Variants in ZNF454 observed in about 807,000 individuals in gnomAD.
ZNF454 encodes zinc finger protein 454.
In ZNF454, 30 loss-of-function variants were observed where a neutral mutation model predicts 48.2. That is an observed-to-expected ratio of 0.62 (90% CI 0.47 to 0.84). The LOEUF (loss-of-function observed/expected upper bound fraction) is 0.84, where lower values mean the gene tolerates loss of function less well. Ranked by LOEUF, ZNF454 falls within the 40% of genes least tolerant of loss-of-function variation. The pLI is 0.00. For synonymous variants in ZNF454, 204 were observed against 211.4 expected (o/e 0.97, Z 0.30); for missense variants, 510 against 623.1 (o/e 0.82, Z 1.93).
At chr5:178,982,684 G>T in the ZNF454 span, 1 of 376,508 alleles carries the variant, frequency 2.7e-6, no homozygotes, top group Non-Finnish European at 4.5e-6. Flanking sequence ...TCAAAGAAAT[G>T]AAAATGATAA....
chr5:178,974,297 GGTTGTTGTGGTTGTGGTTGTT>G, the ZNF454 span, among the ~76,000 whole-genome samples: 1 of 143,928 alleles, frequency 6.9e-6, no homozygotes, highest in African/African-American at 2.9e-5. Flanking sequence ...TGGTTGTTGT[GGTTGTTGTGGTTGTGGTTGTT>G]GTTGTTGTTG....
the ZNF454 span, chr5:178,982,861 G>C: frequency 7.4e-7 from 1 of 1,344,794 alleles, no homozygotes; most frequent in Non-Finnish European, 1.1e-6. Context: ...GAATCGACCA[G>C]CCTGACAGGC....
chr5:178,966,920 G>A (rs997289882), downstream of ZNF454, among the ~76,000 whole-genome samples: 1 of 152,114 alleles, frequency 6.6e-6, no homozygotes, highest in Admixed American at 6.5e-5. Context: ...ACTTAGCAAC[G>A]CCTAACTGTC....
At chr5:178,971,090 C>G (rs139157080), downstream of ZNF454, among the ~76,000 whole-genome samples, 1 of 152,192 alleles carries the variant, frequency 6.6e-6, no homozygotes, top group Non-Finnish European at 1.5e-5. Context: ...TGCATGAAAC[C>G]GTTACGTCCA....
At chr5:178,987,338 G>A in the ZNF454 span, 2 of 487,534 alleles carry the variant, frequency 4.1e-6, no homozygotes, top group South Asian at 3.1e-5. Context: ...AGAAAGCAGG[G>A]TGGCAAGAAA....
At chr5:178,962,300 T>G (rs1760033468) in intron 4 of ZNF454, among the ~76,000 whole-genome samples, 1 of 151,732 alleles carries the variant, frequency 6.6e-6, no homozygotes, top group Non-Finnish European at 1.5e-5. Context: ...ACTTTCAAGG[T>G]AATCTTCAGT....
chr5:178,989,211 ACCCTCACCACCCTCCCCACCCTCC>A, the ZNF454 span: 6 of 124,466 alleles, frequency 4.8e-5, no homozygotes, highest in South Asian at 8.7e-5. Flanking sequence ...CCCCCTCCCC[ACCCTCACCACCCTCCCCACCCTCC>A]CCACCCTCAC....
chr5:178,949,856 C>A (rs921835512), intron 4 of ZNF454, among the ~76,000 whole-genome samples: 2 of 152,132 alleles, frequency 1.3e-5, no homozygotes, highest in Non-Finnish European at 2.9e-5. Flanking sequence ...ACCTCGTGAT[C>A]CGCCCACCTT....
intron 4 of ZNF454, among the ~76,000 whole-genome samples, chr5:178,962,930 C>T (rs778150549): frequency 2.0e-5 from 3 of 151,738 alleles, no homozygotes; most frequent in Non-Finnish European, 2.9e-5. Context: ...CTCATTTGCC[C>T]GTACTACTAG....
rs756212574 is a variant in ZNF454, at chr5:178,942,640, C to T, written c.-107-45C>T. Reference sequence around the variant, plus strand: ...GGATGTGAATGCTCACTGCCTCGCTCTGGACTGCTGTATGAGAGCTTTTGA... The same window carrying T: ...GGATGTGAATGCTCACTGCCTCGCTTTGGACTGCTGTATGAGAGCTTTTGA... On this transcript the variant is annotated intron_variant, in intron 1 of 4. Transcript: ENST00000519564. 6.6e-6 allele frequency: 5 copies of T among 757,558 alleles called. No individual in the cohort carries two copies. The African/African-American group carries it at 8.7e-5, about 13-fold the overall frequency. The allele number at this position is 757,558 out of a possible 1,614,324, so 46.9% of individuals were successfully genotyped here.
the ZNF454 span, among the ~76,000 whole-genome samples, chr5:178,971,576 G>A: frequency 9.1e-3 from 1,350 of 148,044 alleles, 12 homozygotes; most frequent in Middle Eastern, 0.055. Context: ...CCGGCTGGGC[G>A]CGGTGGCCAT....
chr5:178,985,201 C>T, the ZNF454 span: 422 of 451,624 alleles, frequency 9.3e-4, 6 homozygotes, highest in South Asian at 6.5e-3. Context: ...TCAGATAGCT[C>T]TTTGACCTGT....
chr5:178,988,973 C>T, the ZNF454 span: 109 of 1,613,742 alleles, frequency 6.8e-5, no homozygotes, highest in Non-Finnish European at 7.4e-5. This position sits in a 1 kb window ranked among gnomAD's most constrained non-coding sequence, Gnocchi z 6.0. Context: ...CAGAAGCATC[C>T]GCCCATCAGT....
At chr5:178,982,980 A>G in the ZNF454 span, 4 of 1,614,060 alleles carry the variant, frequency 2.5e-6, no homozygotes, top group Non-Finnish European at 3.4e-6. Context: ...GGTGGTGTAC[A>G]TGGTGAAGCC....
chr5:178,962,656 G>T (rs116474280), intron 4 of ZNF454, among the ~76,000 whole-genome samples: 1 of 151,570 alleles, frequency 6.6e-6, no homozygotes, highest in Non-Finnish European at 1.5e-5. Flanking sequence ...TAAGGTTCAC[G>T]TCTGATAACT....
At chr5:178,976,042 C>T in the ZNF454 span, 33 of 428,412 alleles carry the variant, frequency 7.7e-5, no homozygotes, top group South Asian at 5.1e-4. Flanking sequence ...TCCTCCATGC[C>T]ACTCTCTTTG....
chr5:178,974,318 T>G, the ZNF454 span, among the ~76,000 whole-genome samples: 2 of 151,538 alleles, frequency 1.3e-5, no homozygotes, highest in Non-Finnish European at 2.9e-5. Flanking sequence ...TTGTGGTTGT[T>G]GTTGTTGTTG....
the ZNF454 span, chr5:178,983,513 C>G: frequency 4.9e-6 from 3 of 616,484 alleles, no homozygotes; most frequent in African/African-American, 1.8e-5. Context: ...TAAGGGGCAG[C>G]TTGGTGTCCT....
chr5:178,979,792 T>C, the ZNF454 span: 2 of 152,788 alleles, frequency 1.3e-5, no homozygotes, highest in African/African-American at 2.4e-5. Context: ...AAACAGCAAA[T>C]GCAGGAAAAC....
Sources: gnomAD v4.1 joint callset for allele counts (sites outside exome capture counted in the v4.1 genomes callset) on GRCh38, gnomAD v4.1.1 for gene constraint, Gnocchi (gnomAD v3.1) non-coding constraint, MANE v1.5 for transcripts, NCBI Gene and HGNC (gene_info 2026-07-23, HGNC 2026-07-21) for gene names.